TPGS1: variants seen among roughly 807,000 people sequenced by gnomAD.
TPGS1 encodes gene trap ROSA b-geo 22.
In TPGS1, 18 loss-of-function variants were observed where a neutral mutation model predicts 11.9. That is an observed-to-expected ratio of 1.51 (90% CI 1.04 to 2.24). The LOEUF (loss-of-function observed/expected upper bound fraction) is 2.24. Among genes scored for constraint, TPGS1 ranks in the 30% most tolerant of loss-of-function variants. The probability of loss-of-function intolerance (pLI) is 0.00; values close to 1 mark genes in which losing one functional copy is unlikely to be tolerated. For synonymous variants in TPGS1, 247 were observed against 218.2 expected, an observed-to-expected ratio of 1.13 and a Z score of -1.16; for missense variants, 500 against 443.0, an observed-to-expected ratio of 1.13 and a Z score of -1.16.
At position 519,303 on chromosome 19, in the gene TPGS1, CCTGGCG is replaced by C. The variant is rs1374891274; in HGVS notation, c.764_769del (p.Ala255_Leu256del). The C allele has an allele frequency of 8.4e-6, 10 of 1,187,716 alleles. No individual in the cohort carries two copies. Among genetic ancestry groups the C allele is most frequent in the African/African-American group, 4.8e-5 (3 of 62,186 alleles). 73.6% of individuals were successfully genotyped at this position (1,187,716 alleles called of 1,614,324 possible). A position where few individuals can be genotyped will look rare whatever the true frequency, so the allele number is the denominator to read the frequency against. Reference sequence around the variant, plus strand: ...CCGGCTCGCGCTTGGGGCCCGACAGCCTGGCGCTGGCGCTGGACCGCGCCGTCGGGG... The same window carrying C: ...CCGGCTCGCGCTTGGGGCCCGACAGCCTGGCGCTGGACCGCGCCGTCGGGG... On this transcript the variant is annotated inframe_deletion, in exon 2 of 2. Transcript: ENST00000359315.
Position 507,543 on chromosome 19 carries a change from C to T in TPGS1, c.37C>T (p.Pro13Ser). Residue 13 changes from proline (P) to serine (S), a missense_variant, in exon 1 of 2, where the codon CCG (proline) becomes TCG (serine). Physicochemically the swap from Pro to Ser is moderately conservative, Grantham distance 74. Coordinates refer to ENST00000359315, the MANE Select transcript of TPGS1 (RefSeq NM_033513.3). ...AVEKRRQAVP[P>S]PAGFTDSGRQ... The stretch of plus-strand genomic sequence containing the variant: ...GGAGAAGCGGCGGCAAGCGGTACCA[C>T]CGCCGGCCGGTTTCACGGACAGCGG... The T allele has an allele frequency of 1.4e-6, 2 of 1,420,932 alleles. No individual in the cohort carries two copies. Among genetic ancestry groups the T allele is most frequent in the Non-Finnish European group, 1.8e-6 (2 of 1,083,494 alleles). The allele number at this position is 1,420,932 out of a possible 1,614,324, so 88.0% of individuals were successfully genotyped here.
chr19:518,942 G>T lies in TPGS1; in HGVS notation c.392G>T (p.Gly131Val). 1 of 1,581,454 alleles carries T rather than the reference G, an allele frequency of 6.3e-7. No homozygotes were observed. The change falls in exon 2 of 2, where the codon GGG (glycine) becomes GTG (valine). Residue 131 changes from glycine to valine, a missense_variant. Physicochemically the swap from Gly to Val is moderately radical, Grantham distance 109 (BLOSUM62 -3). Coordinates refer to ENST00000359315, the MANE Select transcript of TPGS1 (RefSeq NM_033513.3). ...GCCTACGAGTGCCTGAGCGCCGGCG[G>T]GCGCAGGAAGAGGCCGGGGCTGGAC... ...SVAYECLSAG[G>V]RRKRPGLDGR...
At chr19:511,960 C>T (rs1249824970) in intron 1 of TPGS1, among the ~76,000 whole-genome samples, 2 of 152,196 alleles carry the variant, frequency 1.3e-5, no homozygotes, top group South Asian at 4.1e-4. Context: ...CAAGTTCCGC[C>T]TCCTGGGTTG....
chr19:510,608 C>T (rs971029136), intron 1 of TPGS1, among the ~76,000 whole-genome samples: 2 of 152,152 alleles, frequency 1.3e-5, no homozygotes, highest in East Asian at 1.9e-4. Flanking sequence ...CCTTCCTGGT[C>T]GTCTCCAAGG....
chr19:510,589 C>G (rs955895441), intron 1 of TPGS1, among the ~76,000 whole-genome samples: 7 of 152,162 alleles, frequency 4.6e-5, no homozygotes, highest in African/African-American at 1.7e-4. Flanking sequence ...CAGTGTCCCC[C>G]TCCTGCCACC....
rs767741335 is a variant in TPGS1 at position 519,075 on chromosome 19, G to A, written c.525G>A (p.Ala175=). The change falls in exon 2 of 2, where the codon GCG becomes GCA. Residue 175 remains alanine, a synonymous_variant. Coordinates refer to ENST00000359315, the MANE Select transcript of TPGS1 (RefSeq NM_033513.3). ...LRKVQCRDHE[A]VPLSVFRAGT... is the part of the protein sequence containing the mutation. The stretch of plus-strand genomic sequence containing the variant: ...AGGTGCAGTGCCGTGACCACGAGGC[G>A]GTGCCGCTGAGCGTCTTCCGCGCGG... 7 of 1,534,978 alleles carry A rather than the reference G, an allele frequency of 4.6e-6. No homozygotes were observed. The highest frequency in any genetic ancestry group is 6.1e-6 in the Non-Finnish European group (7 of 1,146,988).
intron 1 of TPGS1, 81 bp downstream of exon 1, chr19:507,925 A>C (rs1272695346): frequency 4.4e-6 from 5 of 1,137,620 alleles, no homozygotes; most frequent in Middle Eastern, 3.3e-4. Flanking sequence ...CCCTACCCGC[A>C]GCGCCGGCGC....
At chr19:511,404 C>T (rs982122273) in intron 1 of TPGS1, among the ~76,000 whole-genome samples, 8 of 152,276 alleles carry the variant, frequency 5.3e-5, no homozygotes, top group Non-Finnish European at 8.8e-5. Context: ...TGTGTGTCTT[C>T]CTGCCCCTCA....
chr19:516,322 G>A (rs1978953156), intron 1 of TPGS1, among the ~76,000 whole-genome samples: 1 of 152,098 alleles, frequency 6.6e-6, no homozygotes, highest in Non-Finnish European at 1.5e-5. Context: ...TACGTGAGGC[G>A]GGAAGCAAGT....
At chr19:517,096 G>C (rs779345703) in intron 1 of TPGS1, among the ~76,000 whole-genome samples, 1 of 151,860 alleles carries the variant, frequency 6.6e-6, no homozygotes, top group Admixed American at 6.6e-5. Flanking sequence ...ACGAACTTCC[G>C]GCCCTGGAGG....
At position 507,756 on chromosome 19, in the gene TPGS1, GC is replaced by G; in HGVS notation, c.252del (p.Glu86SerfsTer35). 7.2e-7 allele frequency: 1 copy of G among 1,396,396 alleles called. No individual in the cohort carries two copies. Among genetic ancestry groups the G allele is most frequent in the Non-Finnish European group, 9.3e-7 (1 of 1,076,494 alleles). The allele number at this position is 1,396,396 out of a possible 1,614,324, so 86.5% of individuals were successfully genotyped here. ...CCTGCGCTCGCCTGTAAACGGCGGC[GC>G]CGGGGAGCCCCCGGGCCAGCTCCTG... ...MGLRSPVNGG[A>X]GEPPGQLLLQ... On this transcript the variant is annotated frameshift_variant, in exon 1 of 2. Transcript: ENST00000359315. LOFTEE classifies it high-confidence loss of function.
At chr19:514,811 G>T (rs1196355714) in intron 1 of TPGS1, among the ~76,000 whole-genome samples, 1 of 152,178 alleles carries the variant, frequency 6.6e-6, no homozygotes, top group Non-Finnish European at 1.5e-5. Context: ...GGAACTGATG[G>T]GGGGAGTGAG....
Position 519,172 on chromosome 19 carries a change from TCGGCCGCCGCCGTGGC to T in TPGS1, c.625_640del (p.Ala209ThrfsTer56), listed in dbSNP as rs1232473127. 2.0e-6 allele frequency: 3 copies of T among 1,497,730 alleles called. No individual in the cohort carries two copies. The highest frequency in any genetic ancestry group is 2.5e-5 in the South Asian group (2 of 79,790). The allele number at this position is 1,497,730 out of a possible 1,614,324, so 92.8% of individuals were successfully genotyped here. A position where few individuals can be genotyped will look rare whatever the true frequency, so the allele number is the denominator to read the frequency against. On this transcript the variant is annotated frameshift_variant, in exon 2 of 2. Coordinates refer to ENST00000359315, the MANE Select transcript of TPGS1 (RefSeq NM_033513.3). LOFTEE classifies it high-confidence loss of function. ...CGCGCTCTTCCAGCTGCTGGAGGAC[TCGGCCGCCGCCGTGGC>T]CGACCGCCGCGTGGGCCAGGCCGTG...
At position 519,191 on chromosome 19, in the gene TPGS1, A is replaced by C. The variant is rs2145836474; in HGVS notation, c.641A>C (p.Asp214Ala). ...GAGGACTCGGCCGCCGCCGTGGCCG[A>C]CCGCCGCGTGGGCCAGGCCGTGCTG... is the stretch of plus-strand genomic sequence containing the variant. Reference protein sequence around the residue: ...LLEDSAAAVADRRVGQAVLDT... With the variant: ...LLEDSAAAVAARRVGQAVLDT... Residue 214 changes from aspartate to alanine, a missense_variant, in exon 2 of 2, where the codon GAC becomes GCC. Asp to Ala is a moderately radical substitution (Grantham distance 126, BLOSUM62 -2). Transcript: ENST00000359315. The C allele has an allele frequency of 6.7e-7, 1 of 1,482,976 alleles. No homozygotes were observed. Among genetic ancestry groups the C allele is most frequent in the Non-Finnish European group, 8.9e-7 (1 of 1,124,472 alleles). 91.9% of individuals were successfully genotyped at this position (1,482,976 alleles called of 1,614,324 possible).
At position 519,163 on chromosome 19, in the gene TPGS1, C is replaced by T. The variant is rs1979068386; in HGVS notation, c.613C>T (p.Leu205=). 6.6e-7 allele frequency: 1 copy of T among 1,505,718 alleles called. No individual in the cohort carries two copies. The highest frequency in any genetic ancestry group is 8.8e-7 in the Non-Finnish European group (1 of 1,134,730). 93.3% of individuals were successfully genotyped at this position (1,505,718 alleles called of 1,614,324 possible). A position where few individuals can be genotyped will look rare whatever the true frequency, so the allele number is the denominator to read the frequency against. The stretch of plus-strand genomic sequence containing the variant: ...GCGCGCCGGCGCGCTCTTCCAGCTG[C>T]TGGAGGACTCGGCCGCCGCCGTGGC... ...VARAGALFQL[L]EDSAAAVADR... The change falls in exon 2 of 2, where the codon CTG becomes TTG. Residue 205 remains leucine, a synonymous_variant. Coordinates refer to ENST00000359315, the MANE Select transcript of TPGS1 (RefSeq NM_033513.3).
In TPGS1 at chr19:519,373, C is replaced by G. The variant is rs1231975893; in HGVS notation, c.823C>G (p.Leu275Val). Reference protein sequence around the residue: ...PSAPMTREEFLERAAALFIAK... With the variant: ...PSAPMTREEFVERAAALFIAK... ...CGCGCCCATGACCCGCGAGGAGTTT[C>G]TGGAGAGGGCCGCCGCGCTCTTCAT... Residue 275 changes from leucine (L) to valine (V), a missense_variant, in exon 2 of 2, where the codon CTG (leucine) becomes GTG (valine). Transcript: ENST00000359315. 8.2e-6 allele frequency: 10 copies of G among 1,220,706 alleles called. No individual in the cohort carries two copies. Among genetic ancestry groups the G allele is most frequent in the Non-Finnish European group, 1.0e-5 (10 of 979,826 alleles). The allele number at this position is 1,220,706 out of a possible 1,614,324, so 75.6% of individuals were successfully genotyped here. A position where few individuals can be genotyped will look rare whatever the true frequency, so the allele number is the denominator to read the frequency against.
chr19:515,130 C>T (rs572122939), intron 1 of TPGS1, among the ~76,000 whole-genome samples: 14 of 152,306 alleles, frequency 9.2e-5, no homozygotes, highest in East Asian at 1.9e-4. Context: ...CACATGTCAG[C>T]GGACTGATGT....
intron 1 of TPGS1, 136 bp from the exon 2 acceptor site, chr19:518,752 TG>T (rs1208253927): frequency 5.5e-6 from 4 of 733,762 alleles, no homozygotes; most frequent in South Asian, 2.7e-5. Flanking sequence ...AGGCCGGGGA[TG>T]GGGGGTAGGA....
Position 519,301 on chromosome 19 carries a change from A to G in TPGS1, c.751A>G (p.Ser251Gly). The change falls in exon 2 of 2, where the codon AGC becomes GGC. Residue 251 changes from serine to glycine, a missense_variant. Coordinates refer to ENST00000359315, the MANE Select transcript of TPGS1 (RefSeq NM_033513.3). ...GGCCGGCTCGCGCTTGGGGCCCGAC[A>G]GCCTGGCGCTGGCGCTGGACCGCGC... Reference protein sequence around the residue: ...LEAGSRLGPDSLALALDRAVG... With the variant: ...LEAGSRLGPDGLALALDRAVG... 1 of 1,187,640 alleles carries G rather than the reference A, an allele frequency of 8.4e-7. No individual in the cohort carries two copies. Among genetic ancestry groups the G allele is most frequent in the Non-Finnish European group, 1.0e-6 (1 of 960,188 alleles). 73.6% of individuals were successfully genotyped at this position (1,187,640 alleles called of 1,614,324 possible). A position where few individuals can be genotyped will look rare whatever the true frequency, so the allele number is the denominator to read the frequency against.
Sources: gnomAD v4.1 joint callset for allele counts (sites outside exome capture counted in the v4.1 genomes callset) on GRCh38, gnomAD v4.1.1 for gene constraint, MANE v1.5 for transcripts, NCBI Gene and HGNC (gene_info 2026-07-23, HGNC 2026-07-21) for gene names.